The following VPS13B variants were observed in gnomAD, a reference collection of about 807,000 sequenced individuals.
VPS13B encodes intermembrane lipid transfer protein VPS13B.
A neutral mutation model predicts 426.4 loss-of-function variants in VPS13B; 285 were observed. The ratio of observed to expected loss-of-function variants is 0.67; its 90% confidence interval spans 0.61 to 0.74. VPS13B has a LOEUF of 0.74. VPS13B is among the 30% of genes least tolerant of loss of function. VPS13B has a pLI of 0.00. For missense variants in VPS13B, 4,537 were observed against 4,782.6 expected (o/e 0.95, Z 1.51); for synonymous variants, 1,676 against 1,676.4 (o/e 1.00, Z 0.01).
chr8:99,258,514 G>A (rs966823560), intron 17 of VPS13B, among the ~76,000 whole-genome samples: 2 of 151,882 alleles, frequency 1.3e-5, no homozygotes, highest in African/African-American at 4.8e-5. Context: ...AGTTTTCCTT[G>A]CAATATCAGT....
chr8:99,834,571 C>G (rs1011114454), intron 52 of VPS13B, among the ~76,000 whole-genome samples: 2 of 151,394 alleles, frequency 1.3e-5, no homozygotes, highest in Non-Finnish European at 2.9e-5. Context: ...GGGTCTTGCT[C>G]TGTCACCCAG....
intron 39 of VPS13B, among the ~76,000 whole-genome samples, chr8:99,723,990 G>T (rs1421294178): frequency 2.0e-5 from 3 of 152,164 alleles, no homozygotes; most frequent in African/African-American, 4.8e-5. Context: ...TGAGCTCTCA[G>T]TTCAATTCTC....
Position 99,827,492 on chromosome 8 carries a change from T to C in VPS13B, c.9330+3514T>C, listed in dbSNP as rs369841583. The stretch of plus-strand genomic sequence containing the variant: ...TTTATTGGTCTGGCCAGCAGTCTTA[T>C]CTATTTTGTTGATCTTTTCAAAAAA... On this transcript the variant is annotated intron_variant, in intron 51 of 61. Coordinates refer to ENST00000357162, the MANE Select transcript of VPS13B (RefSeq NM_152564.5). Among the ~76,000 whole-genome samples the C allele has an allele frequency of 2.0e-5, 3 of 151,582 alleles. No homozygotes were observed. The East Asian group carries it at 5.8e-4, about 29-fold the overall frequency.
At chr8:99,699,131 CTTTTTTTTTTTTTTT>C (rs370004663) in intron 35 of VPS13B, among the ~76,000 whole-genome samples, 1 of 90,556 alleles carries the variant, frequency 1.1e-5, no homozygotes, top group African/African-American at 4.0e-5. Flanking sequence ...TAAGGAAAGT[CTTTTTTTTTTTTTTT>C]TTTTTTTTTG....
rs540427723 is a variant in VPS13B at position 99,867,685 on chromosome 8, A to G, written c.11216-604A>G. Among the ~76,000 whole-genome samples the G allele has an allele frequency of 2.6e-5, 4 of 152,316 alleles. No individual in the cohort carries two copies. The South Asian group carries it at 6.2e-4, about 24-fold the overall frequency. On this transcript the variant is annotated intron_variant, in intron 58 of 61. Coordinates refer to ENST00000357162, the MANE Select transcript of VPS13B (RefSeq NM_152564.5). ...TAAAAACAATGTATGACTCCTAGGA[A>G]TATGAGGATCAAATGATCTCATACA...
intron 33 of VPS13B, among the ~76,000 whole-genome samples, chr8:99,599,981 A>G (rs1827206974): frequency 6.6e-6 from 1 of 152,164 alleles, no homozygotes; most frequent in African/African-American, 2.4e-5. Flanking sequence ...ACATTTGTCC[A>G]TGCCCATTCA....
chr8:99,322,696 A>G (rs1372436013), intron 19 of VPS13B, among the ~76,000 whole-genome samples: 1 of 152,172 alleles, frequency 6.6e-6, no homozygotes, highest in South Asian at 2.1e-4. Context: ...AGACTTAGCT[A>G]TTGCAAGAAC....
At chr8:99,583,967 G>C (rs934577322) in intron 33 of VPS13B, among the ~76,000 whole-genome samples, 1 of 152,104 alleles carries the variant, frequency 6.6e-6, no homozygotes, top group African/African-American at 2.4e-5. Context: ...TGGACGATAT[G>C]CATAGGGTGA....
In VPS13B at chr8:99,720,867, T is replaced by C. The variant is rs2130342895; in HGVS notation, c.6870T>C (p.Ser2290=). 10 of 1,612,996 alleles carry C rather than the reference T, an allele frequency of 6.2e-6. No homozygotes were observed. Among genetic ancestry groups the C allele is most frequent in the Non-Finnish European group, 8.5e-6 (10 of 1,179,382 alleles). The part of the protein sequence containing the change: ...GLFQYVQDAE[S]LKLPGVYEVL... ...AATTATACTTTTATTTGACAGAATC[T>C]TTGAAATTGCCTGGGGTCTATGAAG... The change falls in exon 39 of 62, where the codon TCT becomes TCC. Residue 2290 remains serine, a synonymous_variant. Transcript: ENST00000357162.
intron 17 of VPS13B, among the ~76,000 whole-genome samples, chr8:99,246,191 C>A (rs1164861344): frequency 1.3e-5 from 2 of 152,300 alleles, no homozygotes; most frequent in East Asian, 3.9e-4. Flanking sequence ...ATCAAAATCG[C>A]TTTGCCTCTA....
chr8:99,826,737 A>G (rs1814708605), intron 51 of VPS13B, among the ~76,000 whole-genome samples: 1 of 152,202 alleles, frequency 6.6e-6, no homozygotes, highest in Non-Finnish European at 1.5e-5. Context: ...AGTTTGAGAT[A>G]TGTTCCATCA....
At chr8:99,111,473 A>G (rs1033350940) in intron 6 of VPS13B, among the ~76,000 whole-genome samples, 194 bp downstream of exon 6, 6 of 152,022 alleles carry the variant, frequency 3.9e-5, no homozygotes, top group African/African-American at 7.2e-5. Context: ...GTATTCTACT[A>G]GAGTTTAGAG....
intron 3 of VPS13B, among the ~76,000 whole-genome samples, chr8:99,039,032 A>G (rs1260211196): frequency 6.6e-6 from 1 of 152,102 alleles, no homozygotes; most frequent in African/African-American, 2.4e-5. Context: ...TTGCAAAGTC[A>G]TTTTTAAATT....
intron 5 of VPS13B, among the ~76,000 whole-genome samples, chr8:99,109,626 G>A (rs898043607): frequency 6.6e-5 from 10 of 152,052 alleles, no homozygotes; most frequent in Admixed American, 1.3e-4. Context: ...CAAGCAATCC[G>A]CCTAGGCCTC....
intron 39 of VPS13B, among the ~76,000 whole-genome samples, chr8:99,727,109 A>G (rs1281743176): frequency 1.3e-5 from 2 of 152,192 alleles, no homozygotes; most frequent in African/African-American, 4.8e-5. Flanking sequence ...GAAAAAGTTA[A>G]TTAACTGGTT....
chr8:99,806,464 C>T (rs1414373375), intron 43 of VPS13B, among the ~76,000 whole-genome samples: 2 of 152,210 alleles, frequency 1.3e-5, no homozygotes, highest in Admixed American at 6.5e-5. Flanking sequence ...TACTATGTGA[C>T]TGCTCCTCTC....
At chr8:99,681,073 A>G (rs1308368080) in intron 35 of VPS13B, among the ~76,000 whole-genome samples, 4 of 152,176 alleles carry the variant, frequency 2.6e-5, no homozygotes, top group Non-Finnish European at 4.4e-5. Flanking sequence ...TCATTATCAG[A>G]CTGAAAATAT....
intron 29 of VPS13B, among the ~76,000 whole-genome samples, chr8:99,519,842 C>A (rs1390041163): frequency 1.3e-5 from 2 of 151,810 alleles, no homozygotes; most frequent in African/African-American, 4.8e-5. Context: ...AGGAGATATA[C>A]CTAATGTAAA....
At chr8:99,529,227 T>G (rs1822803634) in intron 30 of VPS13B, among the ~76,000 whole-genome samples, 2 of 152,170 alleles carry the variant, frequency 1.3e-5, no homozygotes, top group African/African-American at 4.8e-5. Flanking sequence ...GTGGCCACTG[T>G]TAGATCAAAA....
Sources: gnomAD v4.1 joint callset for allele counts (sites outside exome capture counted in the v4.1 genomes callset) on GRCh38, gnomAD v4.1.1 for gene constraint, MANE v1.5 for transcripts, NCBI Gene and HGNC (gene_info 2026-07-23, HGNC 2026-07-21) for gene names.